The following SULT1C2 variants were observed in gnomAD, a reference collection of about 807,000 sequenced individuals.
SULT1C2 encodes sulfotransferase family 1C member 2, also known as sulfotransferase 1C2.
SULT1C2 carries 27 observed loss-of-function variants against 36.0 expected under a neutral mutation model. The observed-to-expected ratio is 0.75, with a 90% confidence interval of 0.55 to 1.03. SULT1C2 has a LOEUF of 1.03. Ranked by LOEUF, SULT1C2 falls within the 50% of genes least tolerant of loss-of-function variation. The pLI, the probability that SULT1C2 is intolerant of heterozygous loss-of-function variation, is 0.00. For synonymous variants in SULT1C2, 121 were observed against 116.0 expected, an observed-to-expected ratio of 1.04 and a Z score of -0.27; for missense variants, 395 against 359.2, an observed-to-expected ratio of 1.10 and a Z score of -0.80.
At position 108,293,749 on chromosome 2, in the gene SULT1C2, A is replaced by G; in HGVS notation, c.82A>G (p.Asn28Asp). 6.2e-7 allele frequency: 1 copy of G among 1,614,150 alleles called. No individual in the cohort carries two copies. The highest frequency in any genetic ancestry group is 8.5e-7 in the Non-Finnish European group (1 of 1,180,018). Reference protein sequence around the residue: ...GTLLQPATVDNWSQIQSFEAK... With the variant: ...GTLLQPATVDDWSQIQSFEAK... ...CCTCCTGCAGCCTGCAACTGTGGAC[A>G]ACTGGAGCCAGATCCAGAGCTTCGA... Residue 28 changes from asparagine (N) to aspartate (D), a missense_variant, in exon 2 of 8, where the codon AAC becomes GAC. Transcript: ENST00000251481.
intron 7 of SULT1C2, among the ~76,000 whole-genome samples, chr2:108,306,262 G>GA (rs201612595): frequency 0.023 from 3,435 of 152,166 alleles, 62 homozygotes; most frequent in South Asian, 0.032. Context: ...TATTTTTTAA[G>GA]AAAAAACTTT....
intron 3 of SULT1C2, among the ~76,000 whole-genome samples, chr2:108,294,659 A>G (rs1385688574): frequency 6.6e-6 from 1 of 152,118 alleles, no homozygotes; most frequent in Non-Finnish European, 1.5e-5. Context: ...GCAACTGTAG[A>G]TCACATTGAA....
At position 108,293,648 on chromosome 2, in the gene SULT1C2, G is replaced by A. The variant is rs146146986; in HGVS notation, c.-20G>A. 5 of 1,587,472 alleles carry A rather than the reference G, an allele frequency of 3.1e-6. No homozygotes were observed. In the African/African-American group the frequency reaches 6.8e-5, roughly 22 times the overall value. On this transcript the variant is annotated splice_region_variant and 5_prime_UTR_variant, in exon 2 of 8. Coordinates refer to ENST00000251481, the MANE Select transcript of SULT1C2 (RefSeq NM_001056.4). Reference sequence around the variant, plus strand: ...ATCTCCTCTATTCTTTTCCCATAGGGACCCCAACCCTGAGACACTATGGCC... The same window carrying A: ...ATCTCCTCTATTCTTTTCCCATAGGAACCCCAACCCTGAGACACTATGGCC...
chr2:108,293,288 T>C (rs1171121290), intron 1 of SULT1C2, among the ~76,000 whole-genome samples: 1 of 152,090 alleles, frequency 6.6e-6, no homozygotes, highest in East Asian at 1.9e-4. Flanking sequence ...GATTAAGCTT[T>C]GGATCAAGCT....
At chr2:108,289,405 A>T (rs1465516895) in intron 1 of SULT1C2, among the ~76,000 whole-genome samples, 1 of 152,140 alleles carries the variant, frequency 6.6e-6, no homozygotes, top group Non-Finnish European at 1.5e-5. Flanking sequence ...TTCTTCCATG[A>T]CAGCCCTCCT....
chr2:108,298,577 T>C, intron 3 of SULT1C2: 1 of 269,200 alleles, frequency 3.7e-6, no homozygotes, highest in Non-Finnish European at 7.4e-6. Flanking sequence ...AGACAGGATT[T>C]CACCATGTTG....
intron 3 of SULT1C2, among the ~76,000 whole-genome samples, chr2:108,295,885 C>G (rs1676712545): frequency 6.6e-6 from 1 of 152,220 alleles, no homozygotes; most frequent in African/African-American, 2.4e-5. Flanking sequence ...CCTGGAACTC[C>G]TGGGCTTAGG....
intron 1 of SULT1C2, among the ~76,000 whole-genome samples, chr2:108,292,322 T>C (rs1303456260): frequency 6.6e-6 from 1 of 151,802 alleles, no homozygotes; most frequent in African/African-American, 2.4e-5. Flanking sequence ...TATCCTTGAG[T>C]AACAGTGATT....
In SULT1C2 at chr2:108,300,531, G is replaced by T. The variant is rs182723669; in HGVS notation, c.278-307G>T. The T allele has an allele frequency of 4.1e-4, 169 of 409,882 alleles. 1 individual carries two copies. Among genetic ancestry groups the T allele is most frequent in the African/African-American group, 3.4e-3 (166 of 48,990 alleles). The allele number at this position is 409,882 out of a possible 1,614,324, so 25.4% of individuals were successfully genotyped here. ...CTCTGGCTGGCAGGAAGGTGAGGGA[G>T]TCCTCTCTTCTCTGGTCCTGGCTGA... On this transcript the variant is annotated intron_variant, in intron 3 of 7. Transcript: ENST00000251481.
intron 7 of SULT1C2, among the ~76,000 whole-genome samples, chr2:108,307,073 C>T (rs1273278540): frequency 6.6e-6 from 1 of 152,138 alleles, no homozygotes; most frequent in African/African-American, 2.4e-5. Flanking sequence ...ATACACACTG[C>T]TTTGAAACAT....
chr2:108,291,989 C>T (rs1475143954), intron 1 of SULT1C2, among the ~76,000 whole-genome samples: 2 of 152,122 alleles, frequency 1.3e-5, no homozygotes, highest in Non-Finnish European at 2.9e-5. Context: ...TCTTAAAGGG[C>T]TCAGCTCAAT....
chr2:108,308,689 A>T lies in SULT1C2; in HGVS notation c.*225A>T, dbSNP rs905180018. 4.2e-6 allele frequency: 2 copies of T among 471,640 alleles called. No homozygotes were observed. Among genetic ancestry groups the T allele is most frequent in the African/African-American group, 4.0e-5 (2 of 50,508 alleles). The allele number at this position is 471,640 out of a possible 1,614,324, so 29.2% of individuals were successfully genotyped here. ...TTCTTTCCAAAGTAAGATATAAGGT[A>T]GCTTAATAAACTAAGTAAAACGTAT... On this transcript the variant is annotated 3_prime_UTR_variant, in exon 8 of 8. Transcript: ENST00000251481.
intron 2 of SULT1C2, 150 bp from the exon 3 acceptor site, chr2:108,294,079 G>A (rs142107958): frequency 4.7e-5 from 68 of 1,437,962 alleles, no homozygotes; most frequent in Admixed American, 6.8e-5. Context: ...ATCCCTCATG[G>A]ACTTCTATCA....
At chr2:108,305,364 TTTCTTTATGATACTCTCA>T in intron 6 of SULT1C2, 33 bp from the exon 7 acceptor site, 1 of 1,609,272 alleles carries the variant, frequency 6.2e-7, no homozygotes, top group Non-Finnish European at 8.5e-7. Context: ...AATTGTAGTA[TTTCTTTATGATACTCTCA>T]TTCATTCCAG....
chr2:108,290,986 C>T (rs934404993), intron 1 of SULT1C2, among the ~76,000 whole-genome samples: 3 of 152,170 alleles, frequency 2.0e-5, no homozygotes, highest in South Asian at 2.1e-4. Flanking sequence ...TATCTCACAC[C>T]TCTGTAAGTC....
chr2:108,299,696 A>G (rs1201473431), intron 3 of SULT1C2: 1 of 152,214 alleles, frequency 6.6e-6, no homozygotes. Context: ...AAAAATTACC[A>G]TGACTACATG....
At chr2:108,304,922 C>A (rs1676983486) in intron 5 of SULT1C2, among the ~76,000 whole-genome samples, 2 of 152,228 alleles carry the variant, frequency 1.3e-5, no homozygotes, top group African/African-American at 4.8e-5. Flanking sequence ...CATCCTCTTC[C>A]AAAAGGTGTC....
rs1676853543 is a variant in SULT1C2, at chr2:108,300,903, C to T, written c.343C>T (p.Leu115=). Residue 115 remains leucine (L), a synonymous_variant, in exon 4 of 8, where the codon CTG becomes TTG. Coordinates refer to ENST00000251481, the MANE Select transcript of SULT1C2 (RefSeq NM_001056.4). ...ILKTHLSTQL[L]PPSFWENNCK... ...AAAGACTCACCTTTCCACTCAGCTGCTGCCACCGTCTTTCTGGGAAAACAA... is the reference window on the plus strand; with the variant it reads ...AAAGACTCACCTTTCCACTCAGCTGTTGCCACCGTCTTTCTGGGAAAACAA... 1.2e-6 allele frequency: 2 copies of T among 1,614,066 alleles called. No homozygotes were observed. Among genetic ancestry groups the T allele is most frequent in the Admixed American group, 1.7e-5 (1 of 60,010 alleles).
In SULT1C2 at chr2:108,306,902, CAATA is replaced by C. The variant is rs757813932; in HGVS notation, c.778+1326_778+1329del. On this transcript the variant is annotated intron_variant, in intron 7 of 7. Transcript: ENST00000251481. Reference sequence around the variant, plus strand: ...GCCTGGTGACAAAGTGAGACTGTCTCAATAAATAAATAAATAAATAAAATCAGTA... The same window carrying C: ...GCCTGGTGACAAAGTGAGACTGTCTCAATAAATAAATAAATAAAATCAGTA... Among the ~76,000 whole-genome samples the C allele has an allele frequency of 1.9e-3, 284 of 152,054 alleles. 4 individuals carry two copies. The highest frequency in any genetic ancestry group is 0.017 in the Middle Eastern group (5 of 294).
Sources: gnomAD v4.1 joint callset for allele counts (sites outside exome capture counted in the v4.1 genomes callset) on GRCh38, gnomAD v4.1.1 for gene constraint, MANE v1.5 for transcripts, NCBI Gene and HGNC (gene_info 2026-07-23, HGNC 2026-07-21) for gene names.